GPM6A: variants seen among roughly 807,000 people sequenced by gnomAD.
GPM6A encodes neuronal membrane glycoprotein M6-a.
A neutral mutation model predicts 32.1 loss-of-function variants in GPM6A; 7 were observed. The ratio of observed to expected loss-of-function variants is 0.22; its 90% confidence interval spans 0.12 to 0.41. The LOEUF is 0.41. Ranked by LOEUF, GPM6A falls within the 10% of genes least tolerant of loss-of-function variation. GPM6A has a pLI of 1.00. For synonymous variants in GPM6A, 130 were observed against 123.4 expected (o/e 1.05, Z -0.35); for missense variants, 235 against 347.2 (o/e 0.68, Z 2.57).
intron 3 of GPM6A, among the ~76,000 whole-genome samples, chr4:175,657,196 A>G (rs1742129594): frequency 6.6e-6 from 1 of 152,224 alleles, no homozygotes; most frequent in Non-Finnish European, 1.5e-5. Flanking sequence ...CACTTTAACA[A>G]CAAAGGAAGT....
rs139011293 is a variant in GPM6A, at chr4:175,951,541, G to T, written c.-23+50768C>A. On this transcript the variant is annotated intron_variant, in intron 1 of 7. Transcript: ENST00000280187. ...GGCTTCAGTGTCCTTAACTAAAAAT[G>T]AGGGGAATACCATCTACCTTGAAAG... 3.3e-5 allele frequency among the ~76,000 whole-genome samples: 5 copies of T among 152,324 alleles called. No homozygotes were observed. The East Asian group carries it at 9.6e-4, about 29-fold the overall frequency.
intron 1 of GPM6A, among the ~76,000 whole-genome samples, chr4:175,994,644 C>T (rs1445062611): frequency 1.3e-5 from 2 of 152,312 alleles, no homozygotes; most frequent in East Asian, 3.9e-4. Flanking sequence ...CCTTGCCTCC[C>T]TGTTGACGGC....
At chr4:175,825,537 T>A (rs1735407541) in intron 1 of GPM6A, among the ~76,000 whole-genome samples, 2 of 152,150 alleles carry the variant, frequency 1.3e-5, no homozygotes, top group South Asian at 4.1e-4. Flanking sequence ...TAATGTCAGG[T>A]TCTTACATGG....
At chr4:175,941,428 T>C (rs566947746) in intron 1 of GPM6A, among the ~76,000 whole-genome samples, 1 of 152,326 alleles carries the variant, frequency 6.6e-6, no homozygotes, top group South Asian at 2.1e-4. Flanking sequence ...CTGTGATACA[T>C]GTGTAGAACA....
chr4:175,928,577 G>T (rs1341395329), intron 1 of GPM6A, among the ~76,000 whole-genome samples: 1 of 152,120 alleles, frequency 6.6e-6, no homozygotes, highest in Non-Finnish European at 1.5e-5. Context: ...GGAGTGTATT[G>T]CAGAGTCATT....
chr4:175,694,365 G>A (rs1183839876), intron 2 of GPM6A, among the ~76,000 whole-genome samples: 1 of 152,184 alleles, frequency 6.6e-6, no homozygotes, highest in African/African-American at 2.4e-5. Context: ...CTGTTAAATT[G>A]TTGTGACCAA....
upstream of GPM6A, chr4:176,002,372 G>A (rs1468316232): frequency 6.4e-7 from 1 of 1,563,258 alleles, no homozygotes; most frequent in Non-Finnish European, 8.7e-7. Context: ...GACGCTGCGC[G>A]GGGCCAAGTT....
chr4:175,724,563 A>G (rs779833794), intron 1 of GPM6A, among the ~76,000 whole-genome samples: 5 of 152,026 alleles, frequency 3.3e-5, no homozygotes, highest in Non-Finnish European at 7.4e-5. Context: ...AATTTTTTTT[A>G]ACTTATAGAA....
At chr4:175,929,192 A>C (rs1738944230) in intron 1 of GPM6A, among the ~76,000 whole-genome samples, 1 of 152,244 alleles carries the variant, frequency 6.6e-6, no homozygotes, top group Non-Finnish European at 1.5e-5. Context: ...AAGGAACAAA[A>C]TAGCAGGCTT....
At chr4:175,990,416 T>C (rs1374651961) in intron 1 of GPM6A, among the ~76,000 whole-genome samples, 9 of 152,178 alleles carry the variant, frequency 5.9e-5, no homozygotes, top group Non-Finnish European at 1.3e-4. Context: ...TAGATCTCTG[T>C]GTCTTACAGA....
At chr4:175,915,241 G>A (rs1738453841) in intron 1 of GPM6A, among the ~76,000 whole-genome samples, 1 of 151,522 alleles carries the variant, frequency 6.6e-6, no homozygotes. Flanking sequence ...AGAAATATTT[G>A]TAACATCTAT....
chr4:175,952,154 A>G (rs1739836192), intron 1 of GPM6A, among the ~76,000 whole-genome samples: 1 of 152,252 alleles, frequency 6.6e-6, no homozygotes, highest in Non-Finnish European at 1.5e-5. Context: ...ACAAGTAACT[A>G]AAACAAATAC....
At chr4:175,919,049 G>A (rs1452828175) in intron 1 of GPM6A, among the ~76,000 whole-genome samples, 4 of 152,036 alleles carry the variant, frequency 2.6e-5, no homozygotes, top group African/African-American at 9.7e-5. Context: ...GGGAATGTGG[G>A]AAAATTGCCT....
At chr4:175,728,748 CT>C (rs1731285329) in intron 1 of GPM6A, among the ~76,000 whole-genome samples, 1 of 152,206 alleles carries the variant, frequency 6.6e-6, no homozygotes, top group Admixed American at 6.5e-5. Context: ...TGCATTTCCC[CT>C]AGCCCTTCCC....
At chr4:175,698,544 G>A (rs1410898766) in intron 2 of GPM6A, among the ~76,000 whole-genome samples, 2 of 151,940 alleles carry the variant, frequency 1.3e-5, no homozygotes, top group South Asian at 2.1e-4. Context: ...CTACCTCCTC[G>A]AAACCTTTAT....
intron 1 of GPM6A, among the ~76,000 whole-genome samples, chr4:175,855,148 T>C (rs1263250965): frequency 1.8e-4 from 27 of 152,136 alleles, no homozygotes; most frequent in Non-Finnish European, 4.4e-5. Flanking sequence ...AATTTCAAAA[T>C]TTCTAGCAGG....
At position 175,668,022 on chromosome 4, in the gene GPM6A, T is replaced by C. The variant is rs576694342; in HGVS notation, c.387+5658A>G. On this transcript the variant is annotated intron_variant, in intron 3 of 6. Coordinates refer to ENST00000393658, the MANE Select transcript of GPM6A (RefSeq NM_201591.3). ...TCCATTTCTGGCTGTTGTAAGTCTC[T>C]TGTATTTTAAAATCTAAACTAGATG... Among the ~76,000 whole-genome samples the C allele has an allele frequency of 7.9e-5, 12 of 152,326 alleles. No homozygotes were observed. In the South Asian group the frequency reaches 2.3e-3, roughly 29 times the overall value.
intron 1 of GPM6A, among the ~76,000 whole-genome samples, chr4:175,756,582 A>C (rs943434454): frequency 2.0e-5 from 3 of 152,134 alleles, no homozygotes; most frequent in African/African-American, 7.2e-5. Context: ...GAGCCAGTAG[A>C]AGGAAAAGCA....
At chr4:175,946,593 G>A (rs1374278543) in intron 1 of GPM6A, among the ~76,000 whole-genome samples, 1 of 152,110 alleles carries the variant, frequency 6.6e-6, no homozygotes, top group Non-Finnish European at 1.5e-5. Flanking sequence ...TGAGGCAGGT[G>A]GTCCATAGAA....
Sources: gnomAD v4.1 joint callset for allele counts (sites outside exome capture counted in the v4.1 genomes callset) on GRCh38, gnomAD v4.1.1 for gene constraint, MANE v1.5 for transcripts, NCBI Gene and HGNC (gene_info 2026-07-23, HGNC 2026-07-21) for gene names.